Variants in IRAG2 observed in about 807,000 individuals in gnomAD.
The protein encoded by IRAG2 is lymphoid restricted membrane protein.
Under a neutral mutation model 69.9 loss-of-function variants are expected in IRAG2, and 45 were observed. That is an observed-to-expected ratio of 0.64 (90% CI 0.51 to 0.83). The LOEUF (loss-of-function observed/expected upper bound fraction) is 0.83. Among genes scored for constraint, IRAG2 ranks in the 40% least tolerant of loss-of-function variants. The pLI, the probability that IRAG2 is intolerant of heterozygous loss-of-function variation, is 0.00. For missense variants in IRAG2, 520 were observed against 587.0 expected (o/e 0.89, Z 1.18); for synonymous variants, 193 against 202.4 (o/e 0.95, Z 0.40).
upstream of IRAG2, among the ~76,000 whole-genome samples, chr12:25,004,104 C>G (rs1944413116): frequency 6.6e-6 from 1 of 152,092 alleles, no homozygotes; most frequent in African/African-American, 2.4e-5. Flanking sequence ...ATGCCTGGCA[C>G]TTGATAAATA....
exon 8 of IRAG2, chr12:25,023,918 A>G (rs995924036): frequency 1.6e-6 from 2 of 1,227,070 alleles, no homozygotes; most frequent in Non-Finnish European, 1.0e-6. Context: ...TTCTACAGGA[A>G]GAGGTATGTC....
chr12:25,042,683 TC>T (rs2139862626), intron 16 of IRAG2, among the ~76,000 whole-genome samples: 1 of 152,142 alleles, frequency 6.6e-6, no homozygotes, highest in African/African-American at 2.4e-5. Flanking sequence ...GCCAGGATGG[TC>T]TCGATCTCTT....
rs1042189943 is a variant in IRAG2 at position 25,108,003 on chromosome 12, A to G, written c.1443A>G (p.Leu481=). The change falls in exon 22 of 22, where the codon CTA becomes CTG. Residue 481 remains leucine (L), a synonymous_variant. Coordinates refer to ENST00000556887, the MANE Select transcript of IRAG2 (RefSeq NM_001366544.2). ...AGCAAGAGGACTCATGGACGTCTCT[A>G]GAACATATCTTGTGGCCATTTACCA... ...PTQQEDSWTS[L]EHILWPFTRL... is the part of the protein sequence containing the mutation. 6.2e-7 allele frequency: 1 copy of G among 1,614,074 alleles called. No homozygotes were observed. Among genetic ancestry groups the G allele is most frequent in the Non-Finnish European group, 8.5e-7 (1 of 1,180,024 alleles).
intron 16 of IRAG2, among the ~76,000 whole-genome samples, chr12:25,042,282 TC>T (rs1252478294): frequency 1.9e-4 from 2 of 10,476 alleles, no homozygotes; most frequent in African/African-American, 2.4e-4. Flanking sequence ...GACAGCAAAG[TC>T]TGAGAAAGAT....
upstream of IRAG2, among the ~76,000 whole-genome samples, chr12:25,000,661 G>A (rs1944385333): frequency 1.3e-5 from 2 of 152,150 alleles, no homozygotes; most frequent in South Asian, 2.1e-4. Context: ...CATGGAAAAT[G>A]CAACTGAGGT....
intron 6 of IRAG2, among the ~76,000 whole-genome samples, chr12:25,018,682 A>T (rs1944552465): frequency 1.3e-5 from 2 of 152,208 alleles, no homozygotes; most frequent in Non-Finnish European, 2.9e-5. Flanking sequence ...ACTGCTTTGG[A>T]TGAATATGTT....
chr12:25,066,321 C>G (rs1945980929), intron 4 of IRAG2, 44 bp from the exon 5 acceptor site: 1 of 400,448 alleles, frequency 2.5e-6, no homozygotes, highest in Non-Finnish European at 4.4e-6. Flanking sequence ...ATAGTTTGAA[C>G]CAGAAATTGG....
upstream of IRAG2, among the ~76,000 whole-genome samples, chr12:25,051,158 A>G (rs533230170): frequency 4.6e-5 from 7 of 152,082 alleles, no homozygotes; most frequent in African/African-American, 1.7e-4. Context: ...AAAAGAGAGA[A>G]AAAGAGAGTG....
At chr12:25,066,668 T>G (rs903680540) in intron 5 of IRAG2, among the ~76,000 whole-genome samples, 156 bp downstream of exon 5, 6 of 150,912 alleles carry the variant, frequency 4.0e-5, no homozygotes, top group Admixed American at 3.3e-4. Context: ...TTTCTTTCTT[T>G]TTTTTTTTTT....
rs1361536989 is a variant in IRAG2 at position 25,076,155 on chromosome 12, C to CTTAGGA, written c.25-3086_25-3081dup. ...TGTCATTAGACCAAACTTGTGAAAACTTAGGATTGGGATATGTTGTATATT... is the reference window on the plus strand; with the variant it reads ...TGTCATTAGACCAAACTTGTGAAAACTTAGGATTAGGATTGGGATATGTTGTATATT... On this transcript the variant is annotated intron_variant, in intron 6 of 21. Transcript: ENST00000556887. Among the ~76,000 whole-genome samples the CTTAGGA allele has an allele frequency of 5.9e-5, 9 of 152,022 alleles. 1 individual carries two copies. The highest frequency in any genetic ancestry group is 1.3e-4 in the Non-Finnish European group (9 of 68,000).
intron 6 of IRAG2, among the ~76,000 whole-genome samples, chr12:25,073,224 T>C (rs961995224): frequency 4.6e-5 from 7 of 152,246 alleles, no homozygotes; most frequent in Non-Finnish European, 7.3e-5. Context: ...CTGGTTTGCA[T>C]TGTAGTTATT....
At position 25,098,666 on chromosome 12, in the gene IRAG2, GAAT is replaced by G. The variant is rs572631143; in HGVS notation, c.741+1628_741+1630del. Among the ~76,000 whole-genome samples the G allele has an allele frequency of 2.2e-3, 332 of 152,258 alleles. 1 individual carries two copies. Among genetic ancestry groups the G allele is most frequent in the African/African-American group, 7.8e-3 (325 of 41,548 alleles). ...AAATAATATGTTGTTTTCTAGATGG[GAAT>G]AATAACACAAAACAAACACAAACAA... On this transcript the variant is annotated intron_variant, in intron 15 of 21. Coordinates refer to ENST00000556887, the MANE Select transcript of IRAG2 (RefSeq NM_001366544.2).
chr12:25,003,195 G>A (rs1205429676), upstream of IRAG2, among the ~76,000 whole-genome samples: 1 of 150,638 alleles, frequency 6.6e-6, no homozygotes, highest in Non-Finnish European at 1.5e-5. Flanking sequence ...TTCTCTATTA[G>A]GGGATTAAAA....
intron 9 of IRAG2, among the ~76,000 whole-genome samples, chr12:25,081,507 A>G (rs1436149247): frequency 6.6e-6 from 1 of 152,242 alleles, no homozygotes; most frequent in East Asian, 1.9e-4. Context: ...CATGGTTGAC[A>G]GCAGGTAACT....
At chr12:25,107,712 T>G in intron 21 of IRAG2, 105 bp from the exon 22 acceptor site, 2 of 1,077,110 alleles carry the variant, frequency 1.9e-6, no homozygotes, top group Non-Finnish European at 2.7e-6. Flanking sequence ...AAAAGGCAGT[T>G]TTGGGGGTAT....
intron 3 of IRAG2, 121 bp from the exon 4 acceptor site, chr12:25,063,599 C>A (rs1450751204): frequency 7.6e-6 from 3 of 396,682 alleles, no homozygotes; most frequent in African/African-American, 6.2e-5. Flanking sequence ...TCTTCTTGAT[C>A]TCTCTCACAG....
At chr12:25,045,145 G>A (rs1449908636) in intron 16 of IRAG2, among the ~76,000 whole-genome samples, 1 of 151,976 alleles carries the variant, frequency 6.6e-6, no homozygotes, top group Non-Finnish European at 1.5e-5. Context: ...TTAAACAACA[G>A]ACTCCTGAAC....
chr12:25,079,637 T>G lies in IRAG2; in HGVS notation c.137-19T>G. On this transcript the variant is annotated intron_variant, in intron 8 of 21. Transcript: ENST00000556887. ...ATTATGTGCATAGTATTCGCACCAT[T>G]TGTTTCTCCTGTTGACAGATCCTGG... 6.7e-7 allele frequency: 1 copy of G among 1,493,532 alleles called. No homozygotes were observed. The highest frequency in any genetic ancestry group is 9.3e-7 in the Non-Finnish European group (1 of 1,070,200). 92.5% of individuals were successfully genotyped at this position (1,493,532 alleles called of 1,614,324 possible).
chr12:25,085,697 TG>T (rs1947541076), intron 10 of IRAG2, among the ~76,000 whole-genome samples: 1 of 143,716 alleles, frequency 7.0e-6, no homozygotes, highest in South Asian at 2.1e-4. Context: ...GAGCCCTCAC[TG>T]GGGACCCCGC....
Sources: allele counts gnomAD v4.1 joint callset (sites outside exome capture counted in the v4.1 genomes callset), GRCh38; gene constraint gnomAD v4.1.1; transcripts MANE v1.5; gene names NCBI Gene and HGNC (gene_info 2026-07-23, HGNC 2026-07-21).